The following CPS1 variants were observed in gnomAD, a reference collection of about 807,000 sequenced individuals.
CPS1 encodes carbamoyl-phosphate synthase 1, also known as carbamoyl-phosphate synthase [ammonia], mitochondrial.
CPS1 carries 109 observed loss-of-function variants against 174.6 expected under a neutral mutation model. That is an observed-to-expected ratio of 0.62 (90% CI 0.53 to 0.73). CPS1 has a LOEUF of 0.73. Ranked by LOEUF, CPS1 falls within the 30% of genes least tolerant of loss-of-function variation. The pLI is 0.00. For missense variants in CPS1, 1,689 were observed against 1,821.9 expected, an observed-to-expected ratio of 0.93 and a Z score of 1.33; for synonymous variants, 637 against 632.0, an observed-to-expected ratio of 1.01 and a Z score of -0.12.
intron 16 of CPS1, among the ~76,000 whole-genome samples, chr2:210,602,601 T>C (rs779605327): frequency 2.6e-5 from 4 of 151,986 alleles, no homozygotes; most frequent in Non-Finnish European, 5.9e-5. Context: ...TCTATTGACT[T>C]CAAGGAGATG....
intron 1 of CPS1, among the ~76,000 whole-genome samples, chr2:210,505,915 G>C (rs902647788): frequency 1.3e-5 from 2 of 151,956 alleles, no homozygotes; most frequent in Non-Finnish European, 2.9e-5. Context: ...GGAGCCCACC[G>C]CAGCTCAAGG....
chr2:210,660,406 C>A, intron 31 of CPS1, 79 bp from the exon 32 acceptor site: 1 of 1,396,382 alleles, frequency 7.2e-7, no homozygotes. Flanking sequence ...CAGCTGGAAA[C>A]CAGTGGTAGA....
chr2:210,594,862 A>G (rs1029297334), intron 12 of CPS1, among the ~76,000 whole-genome samples: 3 of 151,992 alleles, frequency 2.0e-5, no homozygotes, highest in Admixed American at 6.6e-5. Context: ...CATAACAAAG[A>G]ATAGTGTTTA....
intron 22 of CPS1, 93 bp downstream of exon 22, chr2:210,637,936 G>A (rs1700089199): frequency 1.4e-6 from 2 of 1,412,902 alleles, no homozygotes; most frequent in East Asian, 4.6e-5. Context: ...TTAATAAAAA[G>A]AGGAGTGGAA....
intron 1 of CPS1, among the ~76,000 whole-genome samples, chr2:210,489,293 T>C (rs1694806312): frequency 6.6e-6 from 1 of 152,232 alleles, no homozygotes. Flanking sequence ...TCAGTCTGAC[T>C]TGGTGGGTGC....
chr2:210,652,455 G>A (rs1386710411), intron 28 of CPS1, among the ~76,000 whole-genome samples: 5 of 152,102 alleles, frequency 3.3e-5, no homozygotes, highest in African/African-American at 9.7e-5. Flanking sequence ...TTAGAGTAAT[G>A]ACACTAAAGA....
chr2:210,658,401 T>C, intron 30 of CPS1, 198 bp from the exon 31 acceptor site: 3 of 533,698 alleles, frequency 5.6e-6, no homozygotes, highest in Non-Finnish European at 1.0e-5. Flanking sequence ...TTCCTATTAT[T>C]TTGTGTGTAT....
At chr2:210,645,015 T>G (rs1302201616) in intron 25 of CPS1, among the ~76,000 whole-genome samples, 2 of 152,236 alleles carry the variant, frequency 1.3e-5, no homozygotes, top group Non-Finnish European at 2.9e-5. Flanking sequence ...TCAGGCCTGA[T>G]GGCTATGATA....
intron 1 of CPS1, among the ~76,000 whole-genome samples, chr2:210,510,081 C>G (rs1284687563): frequency 1.3e-5 from 2 of 152,096 alleles, no homozygotes; most frequent in Admixed American, 1.3e-4. Context: ...CAATCCTAAG[C>G]CAAAAGAACA....
intron 23 of CPS1, 123 bp downstream of exon 23, chr2:210,639,338 C>G (rs541106621): frequency 1.2e-6 from 1 of 801,414 alleles, no homozygotes; most frequent in Non-Finnish European, 2.1e-6. Flanking sequence ...CATGGCCGGG[C>G]GCGGTGGCTC....
At chr2:210,533,524 A>G (rs916129092) in intron 1 of CPS1, among the ~76,000 whole-genome samples, 1 of 151,880 alleles carries the variant, frequency 6.6e-6, no homozygotes, top group Non-Finnish European at 1.5e-5. Flanking sequence ...GTAGAGCCAG[A>G]ATATGAACCA....
At chr2:210,566,292 G>A (rs147245044) in intron 1 of CPS1, among the ~76,000 whole-genome samples, 1 of 152,222 alleles carries the variant, frequency 6.6e-6, no homozygotes, top group East Asian at 1.9e-4. Context: ...GGACTGAGAG[G>A]TGGATCTCCT....
intron 11 of CPS1, chr2:210,593,434 C>T (rs1698378001): frequency 2.0e-6 from 2 of 1,009,972 alleles, no homozygotes; most frequent in African/African-American, 1.7e-5. Flanking sequence ...CATGCACATA[C>T]ATAGATGATT....
Position 210,589,770 on chromosome 2 carries a change from C to T in CPS1, c.712-336C>T, listed in dbSNP as rs999068467. Among the ~76,000 whole-genome samples, 8 of 151,942 alleles carry T rather than the reference C, an allele frequency of 5.3e-5. No homozygotes were observed. In the East Asian group the frequency reaches 1.6e-3, roughly 30 times the overall value. ...TGACTCCTGGACTCGGGTGATCCTCCCACCTCAGTTTTCTGGGTAGCTGGG... is the reference window on the plus strand; with the variant it reads ...TGACTCCTGGACTCGGGTGATCCTCTCACCTCAGTTTTCTGGGTAGCTGGG... On this transcript the variant is annotated intron_variant, in intron 7 of 37. Coordinates refer to ENST00000233072, the MANE Select transcript of CPS1 (RefSeq NM_001875.5).
intron 21 of CPS1, chr2:210,617,600 A>C (rs2105868042): frequency 6.6e-6 from 1 of 152,130 alleles, no homozygotes; most frequent in Non-Finnish European, 1.5e-5. Flanking sequence ...TTTTTGAGAA[A>C]AATTAGGTTC....
intron 21 of CPS1, among the ~76,000 whole-genome samples, chr2:210,621,008 C>T (rs564046008): frequency 6.6e-6 from 1 of 152,204 alleles, no homozygotes; most frequent in South Asian, 2.1e-4. Flanking sequence ...GAAGCAATAT[C>T]TATTCTTACC....
At chr2:210,555,643 A>G (rs1443913189), upstream of CPS1, 1 of 455,604 alleles carries the variant, frequency 2.2e-6, no homozygotes, top group Admixed American at 2.4e-5. Flanking sequence ...TTCTGTTATG[A>G]GAAGACCTAG....
chr2:210,637,552 A>T, intron 21 of CPS1, 150 bp from the exon 22 acceptor site: 1 of 794,004 alleles, frequency 1.3e-6, no homozygotes, highest in Non-Finnish European at 2.1e-6. Flanking sequence ...TGAGTGGGTT[A>T]GTTATTTGTG....
chr2:210,578,807 C>G (rs1012028286), intron 4 of CPS1, among the ~76,000 whole-genome samples: 2 of 152,170 alleles, frequency 1.3e-5, no homozygotes, highest in Non-Finnish European at 1.5e-5. Flanking sequence ...TTGGGAGACA[C>G]TTCTCTCCCC....
Sources: allele counts gnomAD v4.1 joint callset (sites outside exome capture counted in the v4.1 genomes callset), GRCh38; gene constraint gnomAD v4.1.1; transcripts MANE v1.5; gene names NCBI Gene and HGNC (gene_info 2026-07-23, HGNC 2026-07-21).